ADGRL2: variants seen among roughly 807,000 people sequenced by gnomAD.
ADGRL2 encodes calcium-independent alpha-latrotoxin receptor 2.
Under a neutral mutation model 157.4 loss-of-function variants are expected in ADGRL2, and 44 were observed. That is an observed-to-expected ratio of 0.28 (90% CI 0.22 to 0.36). The LOEUF (loss-of-function observed/expected upper bound fraction) is 0.36. ADGRL2 is among the 10% of genes least tolerant of loss of function. ADGRL2 has a pLI of 1.00. For missense variants in ADGRL2, 1,510 were observed against 1,768.9 expected (o/e 0.85, Z 2.63); for synonymous variants, 585 against 624.7 (o/e 0.94, Z 0.95).
intron 2 of ADGRL2, among the ~76,000 whole-genome samples, chr1:81,501,087 C>T (rs1570295426): frequency 6.6e-6 from 1 of 152,158 alleles, no homozygotes; most frequent in East Asian, 1.9e-4. Flanking sequence ...CTAGAAAGTA[C>T]TCATTAGTAC....
chr1:81,993,501 A>G lies in ADGRL2; in HGVS notation c.*2356A>G, dbSNP rs1034201514. ...AGGCAGTTCTCAAAACTCTAAAGAC[A>G]TGAACACTGCATCGTACCTAAATGG... On this transcript the variant is annotated 3_prime_UTR_variant, in exon 24 of 24. Coordinates refer to ENST00000686636, the MANE Select transcript of ADGRL2 (RefSeq NM_001366006.2). 6.6e-6 allele frequency among the ~76,000 whole-genome samples: 1 copy of G among 152,162 alleles called. No homozygotes were observed. Among genetic ancestry groups the G allele is most frequent in the African/African-American group, 2.4e-5 (1 of 41,440 alleles).
At chr1:81,773,420 G>C (rs967437205) in intron 2 of ADGRL2, among the ~76,000 whole-genome samples, 3 of 152,128 alleles carry the variant, frequency 2.0e-5, no homozygotes, top group Non-Finnish European at 2.9e-5. Flanking sequence ...AAGGGAATTG[G>C]GAAGAGTTTC....
At chr1:81,978,536 AGAG>A (rs1660800718) in intron 17 of ADGRL2, among the ~76,000 whole-genome samples, 1 of 151,780 alleles carries the variant, frequency 6.6e-6, no homozygotes, top group African/African-American at 2.4e-5. Flanking sequence ...TTATCCCTTA[AGAG>A]GGAATTCTCC....
chr1:81,636,405 A>G (rs534832033), intron 3 of ADGRL2, among the ~76,000 whole-genome samples: 3 of 152,212 alleles, frequency 2.0e-5, no homozygotes, highest in African/African-American at 7.2e-5. Context: ...GGAGATTCTC[A>G]TGGGCTTTTA....
At chr1:81,394,694 A>C (rs2076623304) in intron 1 of ADGRL2, among the ~76,000 whole-genome samples, 1 of 152,156 alleles carries the variant, frequency 6.6e-6, no homozygotes, top group African/African-American at 2.4e-5. Flanking sequence ...TAACTCACCA[A>C]TATACTGATT....
chr1:81,522,286 C>T (rs1427717462), intron 2 of ADGRL2, among the ~76,000 whole-genome samples: 1 of 151,798 alleles, frequency 6.6e-6, no homozygotes, highest in Non-Finnish European at 1.5e-5. Flanking sequence ...TTCATATATA[C>T]TGATTTAATA....
intron 3 of ADGRL2, among the ~76,000 whole-genome samples, chr1:81,593,775 A>G (rs533503793): frequency 6.6e-6 from 1 of 152,200 alleles, no homozygotes; most frequent in Non-Finnish European, 1.5e-5. Flanking sequence ...TTAAAAGTGT[A>G]CCTATGCTTC....
At chr1:81,842,385 TCTCA>T (rs2092624773) in intron 2 of ADGRL2, among the ~76,000 whole-genome samples, 1 of 118,000 alleles carries the variant, frequency 8.5e-6, no homozygotes, top group South Asian at 3.1e-4. Context: ...TAAGATGGAG[TCTCA>T]CTCTGTCTCC....
intron 11 of ADGRL2, among the ~76,000 whole-genome samples, chr1:81,959,709 C>G (rs1038830523): frequency 1.4e-4 from 22 of 151,966 alleles, no homozygotes; most frequent in South Asian, 6.2e-4. Flanking sequence ...CAAAAGATAA[C>G]AAAGTGTGTT....
intron 3 of ADGRL2, among the ~76,000 whole-genome samples, chr1:81,631,574 C>T (rs17422904): frequency 0.13 from 19,071 of 152,142 alleles, 1,652 homozygotes; most frequent in Non-Finnish European, 0.18. Flanking sequence ...TTTGGAATTA[C>T]GCACCGATAT....
chr1:81,488,687 A>G (rs1179625404), intron 2 of ADGRL2, among the ~76,000 whole-genome samples: 2 of 152,096 alleles, frequency 1.3e-5, no homozygotes, highest in African/African-American at 4.8e-5. Flanking sequence ...AGCCTAGGTG[A>G]CAGAATGAGA....
At chr1:81,430,847 CATCTTA>C (rs1333849619) in intron 1 of ADGRL2, among the ~76,000 whole-genome samples, 2 of 152,156 alleles carry the variant, frequency 1.3e-5, no homozygotes, top group Non-Finnish European at 2.9e-5. Flanking sequence ...TGGAAAACTC[CATCTTA>C]ATGCACTCCC....
At position 81,531,092 on chromosome 1, in the gene ADGRL2, A is replaced by T. The variant is rs893237082; in HGVS notation, c.-247-49784A>T. On this transcript the variant is annotated intron_variant, in intron 2 of 24. Coordinates refer to the ADGRL2 transcript ENST00000370721. ...GAGCAAGACTCTGTTTCAAAAAAAA[A>T]AAAAAAGAAAGAAAGGTAAATGCCT... is the stretch of plus-strand genomic sequence containing the variant. 1.0e-3 allele frequency among the ~76,000 whole-genome samples: 156 copies of T among 152,162 alleles called. 1 individual carries two copies. Among genetic ancestry groups the T allele is most frequent in the Non-Finnish European group, 1.6e-3 (107 of 67,996 alleles).
At chr1:81,399,640 T>C (rs1227435469) in intron 1 of ADGRL2, among the ~76,000 whole-genome samples, 1 of 152,222 alleles carries the variant, frequency 6.6e-6, no homozygotes, top group South Asian at 2.1e-4. Flanking sequence ...TTGGTTCTTT[T>C]AATATCTATC....
intron 2 of ADGRL2, among the ~76,000 whole-genome samples, chr1:81,870,547 C>T (rs2093664742): frequency 6.6e-6 from 1 of 152,004 alleles, no homozygotes; most frequent in Non-Finnish European, 1.5e-5. Context: ...TAATCTAATT[C>T]TGACATAGTT....
At chr1:81,984,026 A>G (rs1043368272) in intron 19 of ADGRL2, among the ~76,000 whole-genome samples, 1 of 152,024 alleles carries the variant, frequency 6.6e-6, no homozygotes, top group Non-Finnish European at 1.5e-5. Context: ...ATTAGAGGCA[A>G]ATGTATCAAA....
Position 81,573,157 on chromosome 1 carries a change from A to C in ADGRL2, c.-247-7719A>C, listed in dbSNP as rs185472265. Among the ~76,000 whole-genome samples the C allele has an allele frequency of 3.2e-3, 493 of 152,032 alleles. 6 individuals carry two copies. The highest frequency in any genetic ancestry group is 0.012 in the African/African-American group (481 of 41,484). On this transcript the variant is annotated intron_variant, in intron 2 of 24. Transcript: ENST00000370721. ...TTAGTTGATTTGTTCTTTTTTAAAG[A>C]AGCATTTCCCTGGGATCCTATTAAA...
intron 2 of ADGRL2, among the ~76,000 whole-genome samples, chr1:81,450,157 T>C (rs2077678359): frequency 6.6e-6 from 1 of 152,186 alleles, no homozygotes; most frequent in African/African-American, 2.4e-5. Flanking sequence ...AGTCCATACC[T>C]GGCTCTAAGA....
intron 3 of ADGRL2, among the ~76,000 whole-genome samples, chr1:81,688,167 A>G (rs373616905): frequency 2.6e-5 from 4 of 152,120 alleles, no homozygotes; most frequent in African/African-American, 9.7e-5. Flanking sequence ...TCTTTTCACA[A>G]TGAATTTCCC....
Sources: allele counts gnomAD v4.1 joint callset (sites outside exome capture counted in the v4.1 genomes callset), GRCh38; gene constraint gnomAD v4.1.1; transcripts MANE v1.5; gene names NCBI Gene and HGNC (gene_info 2026-07-23, HGNC 2026-07-21).